The following C19orf47 variants were observed in gnomAD, a reference collection of about 807,000 sequenced individuals.
The protein encoded by C19orf47 is chromosome 19 open reading frame 47.
Under a neutral mutation model 32.3 loss-of-function variants are expected in C19orf47, and 18 were observed. That is an observed-to-expected ratio of 0.56 (90% CI 0.39 to 0.83). The LOEUF is 0.83. Ranked by LOEUF, C19orf47 falls within the 40% of genes least tolerant of loss-of-function variation. C19orf47 has a pLI of 0.00. For synonymous variants in C19orf47, 202 were observed against 211.1 expected, an observed-to-expected ratio of 0.96 and a Z score of 0.37; for missense variants, 484 against 531.6, an observed-to-expected ratio of 0.91 and a Z score of 0.88.
the C19orf47 span, among the ~76,000 whole-genome samples, chr19:40,299,249 T>G: frequency 6.6e-6 from 1 of 152,124 alleles, no homozygotes; most frequent in South Asian, 2.1e-4. Context: ...CTTTTAATAA[T>G]TACCCTGGTG....
intron 7 of C19orf47, among the ~76,000 whole-genome samples, chr19:40,324,936 G>C (rs995782979): frequency 6.6e-6 from 1 of 151,432 alleles, no homozygotes; most frequent in Non-Finnish European, 1.5e-5. Context: ...CTCCAGCCCA[G>C]GCAACAGAGC....
upstream of C19orf47, chr19:40,348,438 G>A (rs888410489): frequency 5.4e-6 from 8 of 1,493,636 alleles, 1 homozygote; most frequent in South Asian, 3.8e-5. Flanking sequence ...TCCTCTCACC[G>A]CCGGAAGCTG....
chr19:40,317,078 G>C (rs2077667211), downstream of C19orf47, among the ~76,000 whole-genome samples: 1 of 151,988 alleles, frequency 6.6e-6, no homozygotes, highest in Non-Finnish European at 1.5e-5. Flanking sequence ...AGAGACTTTT[G>C]TATCTTTTGC....
chr19:40,314,529 A>T, the C19orf47 span, among the ~76,000 whole-genome samples: 1 of 152,236 alleles, frequency 6.6e-6, no homozygotes, highest in Non-Finnish European at 1.5e-5. Context: ...GACAAAATAA[A>T]GAAAGTAACG....
intron 2 of C19orf47, among the ~76,000 whole-genome samples, chr19:40,338,565 A>G (rs2078115975): frequency 6.6e-6 from 1 of 151,998 alleles, no homozygotes; most frequent in African/African-American, 2.4e-5. Flanking sequence ...TTGTATTTTT[A>G]GTAGAGACGG....
the C19orf47 span, among the ~76,000 whole-genome samples, chr19:40,301,316 TA>T: frequency 7.2e-6 from 1 of 139,412 alleles, no homozygotes; most frequent in African/African-American, 2.8e-5. Context: ...GAGAGGCTTT[TA>T]TTTATTTATT....
intron 1 of C19orf47, among the ~76,000 whole-genome samples, chr19:40,347,459 G>T (rs1275609116): frequency 1.3e-5 from 2 of 151,994 alleles, no homozygotes; most frequent in Non-Finnish European, 2.9e-5. Flanking sequence ...TTGAACCCAG[G>T]AAGCGGAGGT....
chr19:40,341,205 G>C (rs1166386144), intron 2 of C19orf47, among the ~76,000 whole-genome samples: 1 of 151,470 alleles, frequency 6.6e-6, no homozygotes, highest in Non-Finnish European at 1.5e-5. Context: ...GTGGTGGCAC[G>C]CGCCTGTAAT....
intron 7 of C19orf47, chr19:40,324,368 T>G: frequency 2.2e-6 from 1 of 454,474 alleles, no homozygotes; most frequent in Non-Finnish European, 4.0e-6. Flanking sequence ...GCATGTTCCT[T>G]TCACTTCTTG....
At chr19:40,345,269 A>G (rs2078250178) in intron 1 of C19orf47, among the ~76,000 whole-genome samples, 2 of 152,134 alleles carry the variant, frequency 1.3e-5, no homozygotes, top group Admixed American at 1.3e-4. Flanking sequence ...CCAAAACTCA[A>G]GGGATTACCA....
intron 5 of C19orf47, among the ~76,000 whole-genome samples, chr19:40,331,656 G>T (rs938884163): frequency 6.6e-6 from 1 of 151,964 alleles, no homozygotes; most frequent in African/African-American, 2.4e-5. Context: ...AAAAATACAT[G>T]TCTGTGTTTT....
chr19:40,331,152 A>G (rs1280268652), intron 5 of C19orf47, among the ~76,000 whole-genome samples: 1 of 152,258 alleles, frequency 6.6e-6, no homozygotes, highest in African/African-American at 2.4e-5. Context: ...GGACTTAGCC[A>G]TGTAACTTGC....
chr19:40,332,639 T>G (rs1193104843), intron 5 of C19orf47: 1 of 149,150 alleles, frequency 6.7e-6, no homozygotes, highest in Non-Finnish European at 1.5e-5. Context: ...AGAGGGAGAC[T>G]CCATCTCAAA....
rs576645275 is a variant in C19orf47, at chr19:40,331,445, T to C, written c.301+2406A>G. ...CAGCTGAGCTGGCCTAGAGCAGAAC[T>C]GACCAGCCAACCCACAAAATCATGA... On this transcript the variant is annotated intron_variant, in intron 5 of 8. Transcript: ENST00000683109. Among the ~76,000 whole-genome samples, 37 of 152,332 alleles carry C rather than the reference T, an allele frequency of 2.4e-4. No homozygotes were observed. The South Asian group carries it at 6.6e-3, about 27-fold the overall frequency.
chr19:40,305,588 G>A, the C19orf47 span, among the ~76,000 whole-genome samples: 1 of 152,102 alleles, frequency 6.6e-6, no homozygotes, highest in African/African-American at 2.4e-5. Flanking sequence ...GCAATTTGCG[G>A]GACCATTATA....
downstream of C19orf47, among the ~76,000 whole-genome samples, chr19:40,318,494 T>A (rs1410043272): frequency 1.3e-5 from 2 of 152,214 alleles, no homozygotes; most frequent in Non-Finnish European, 2.9e-5. Context: ...CCATGGCTCT[T>A]AAATTTAGCA....
chr19:40,304,177 C>A, the C19orf47 span, among the ~76,000 whole-genome samples: 1 of 152,108 alleles, frequency 6.6e-6, no homozygotes, highest in Non-Finnish European at 1.5e-5. Context: ...TGTCATCCAC[C>A]ACCAAATCAA....
rs983873954 is a variant in C19orf47 at position 40,321,346 on chromosome 19, C to T, written c.*536G>A. On this transcript the variant is annotated 3_prime_UTR_variant, in exon 9 of 9. Transcript: ENST00000683109. Reference sequence around the variant, plus strand: ...GGTCGGGCAGGACGCAGCGGACAGTCGGGCCTTGCCACGGGGACAGAAAAC... The same window carrying T: ...GGTCGGGCAGGACGCAGCGGACAGTTGGGCCTTGCCACGGGGACAGAAAAC... 5.1e-6 allele frequency: 5 copies of T among 988,394 alleles called. No individual in the cohort carries two copies. In the African/African-American group the frequency reaches 5.2e-5, roughly 10 times the overall value. 61.2% of individuals were successfully genotyped at this position (988,394 alleles called of 1,614,324 possible). A position where few individuals can be genotyped will look rare whatever the true frequency, so the allele number is the denominator to read the frequency against.
At chr19:40,297,941 G>A in the C19orf47 span, among the ~76,000 whole-genome samples, 1 of 151,514 alleles carries the variant, frequency 6.6e-6, no homozygotes, top group African/African-American at 2.4e-5. Flanking sequence ...GGAGGCTGAG[G>A]CAGGAGAAAG....
Sources: gnomAD v4.1 joint callset for allele counts (sites outside exome capture counted in the v4.1 genomes callset) on GRCh38, gnomAD v4.1.1 for gene constraint, MANE v1.5 for transcripts, NCBI Gene and HGNC (gene_info 2026-07-23, HGNC 2026-07-21) for gene names.